The following COL6A1 variants were observed in gnomAD, a reference collection of about 807,000 sequenced individuals.
The protein encoded by COL6A1 is collagen alpha-1(VI) chain.
Under a neutral mutation model 145.6 loss-of-function variants are expected in COL6A1, and 80 were observed. The ratio of observed to expected loss-of-function variants is 0.55; its 90% CI spans 0.46 to 0.66. The LOEUF (loss-of-function observed/expected upper bound fraction) is 0.66. COL6A1 is among the 30% of genes least tolerant of loss of function. COL6A1 has a pLI of 0.00. For missense variants in COL6A1, 1,364 were observed against 1,473.8 expected (o/e 0.93, Z 1.22); for synonymous variants, 638 against 622.8 (o/e 1.02, Z -0.36).
At chr21:46,003,077 G>A (rs750866052) in intron 33 of COL6A1, 43 bp from the exon 34 acceptor site, 9 of 1,614,010 alleles carry the variant, frequency 5.6e-6, no homozygotes, top group Non-Finnish European at 7.6e-6. Context: ...GGGGTTATAG[G>A]TGGAGCAGTG....
At chr21:45,990,059 C>T (rs530166850) in intron 11 of COL6A1, among the ~76,000 whole-genome samples, 199 bp from the exon 12 acceptor site, 3 of 141,302 alleles carry the variant, frequency 2.1e-5, no homozygotes, top group Admixed American at 7.1e-5. Context: ...TTACCCTCTG[C>T]GGAGCCGGGG....
intron 31 of COL6A1, 54 bp downstream of exon 31, chr21:46,002,124 CCACGG>C (rs1354882994): frequency 6.3e-7 from 1 of 1,581,690 alleles, no homozygotes; most frequent in African/African-American, 1.3e-5. Flanking sequence ...ACCGCTGTTC[CCACGG>C]CAGGTCGGCC....
intron 29 of COL6A1, chr21:46,001,045 C>T: frequency 1.3e-6 from 1 of 756,252 alleles, no homozygotes; most frequent in Non-Finnish European, 2.1e-6. Context: ...CCTAGCCTGG[C>T]TGAGCAACGC....
intron 8 of COL6A1, 62 bp from the exon 9 acceptor site, chr21:45,989,022 C>T (rs181190679): frequency 3.0e-5 from 48 of 1,587,160 alleles, no homozygotes; most frequent in Middle Eastern, 1.7e-4. Flanking sequence ...AAACCTGTTT[C>T]GTGAGCCAGC....
At chr21:45,988,418 TCGGGGCTCCAGATGG>T (rs2077755079) in intron 8 of COL6A1, among the ~76,000 whole-genome samples, 1 of 20,622 alleles carries the variant, frequency 4.8e-5, no homozygotes, top group African/African-American at 1.7e-4. Flanking sequence ...GGAGGGGACG[TCGGGGCTCCAGATGG>T]AGGGGACGGC....
At chr21:46,002,781 A>G in intron 33 of COL6A1, 71 bp downstream of exon 33, 1 of 1,475,032 alleles carries the variant, frequency 6.8e-7, no homozygotes, top group South Asian at 1.2e-5. Context: ...GCAGTCCCAG[A>G]TCTGCGTAGG....
chr21:46,004,552 C>T lies in COL6A1; in HGVS notation c.*539C>T. The T allele has an allele frequency of 3.1e-6, 1 of 319,252 alleles. No individual in the cohort carries two copies. The highest frequency in any genetic ancestry group is 6.5e-6 in the Non-Finnish European group (1 of 153,428). The allele number at this position is 319,252 out of a possible 1,614,324, so 19.8% of individuals were successfully genotyped here. A position where few individuals can be genotyped will look rare whatever the true frequency, so the allele number is the denominator to read the frequency against. Reference sequence around the variant, plus strand: ...ACCTAACAGTTACTTTACAATTAAACTCAAAGCAAGCTCTTCTCCTCAGCT... The same window carrying T: ...ACCTAACAGTTACTTTACAATTAAATTCAAAGCAAGCTCTTCTCCTCAGCT... On this transcript the variant is annotated 3_prime_UTR_variant, in exon 35 of 35. Coordinates refer to ENST00000361866, the MANE Select transcript of COL6A1 (RefSeq NM_001848.3).
In COL6A1 at chr21:45,990,429, G is replaced by T. The variant is rs773603262; in HGVS notation, c.1002+7G>T. 2 of 1,098,874 alleles carry T rather than the reference G, an allele frequency of 1.8e-6. No individual in the cohort carries two copies. The highest frequency in any genetic ancestry group is 1.9e-5 in the South Asian group (1 of 53,772). 68.1% of individuals were successfully genotyped at this position (1,098,874 alleles called of 1,614,324 possible). On this transcript the variant is annotated splice_region_variant and intron_variant, in intron 13 of 34. Transcript: ENST00000361866. Reference sequence around the variant, plus strand: ...CGGGGTGGACGGCGTGAAGGTGACTGGGGGGAGATAGGATGGACGGGGAGG... The same window carrying T: ...CGGGGTGGACGGCGTGAAGGTGACTTGGGGGAGATAGGATGGACGGGGAGG...
At chr21:45,990,531 C>CGG in intron 13 of COL6A1, 109 bp downstream of exon 13, 1 of 1,234,904 alleles carries the variant, frequency 8.1e-7, no homozygotes. Context: ...ATGGGGTGGA[C>CGG]AGTGTGAAGG....
chr21:45,989,589 A>C lies in COL6A1; in HGVS notation c.859-19A>C, dbSNP rs2277814. 1 of 1,611,460 alleles carries C rather than the reference A, an allele frequency of 6.2e-7. No individual in the cohort carries two copies. Among genetic ancestry groups the C allele is most frequent in the Non-Finnish European group, 8.5e-7 (1 of 1,179,222 alleles). On this transcript the variant is annotated intron_variant, in intron 9 of 34. Coordinates refer to ENST00000361866, the MANE Select transcript of COL6A1 (RefSeq NM_001848.3). ...CCTGCTCCTCCGGGGGTGTCTCACC[A>C]TCTCCTCCTGTGTTCCAGGGAAGAC...
chr21:45,998,133 C>T lies in COL6A1; in HGVS notation c.1537C>T (p.Pro513Ser), dbSNP rs1202320827. 2.5e-6 allele frequency: 4 copies of T among 1,612,332 alleles called. No individual in the cohort carries two copies. Among genetic ancestry groups the T allele is most frequent in the Non-Finnish European group, 2.5e-6 (3 of 1,179,738 alleles). The part of the protein sequence containing the change: ...GLMGERGEDG[P>S]AGNGTEGFPG... ...TCTGCTCCCCCAGGGAGAAGACGGCCCCGCTGGAAATGGCACCGAGGGCTT... is the reference window on the plus strand; with the variant it reads ...TCTGCTCCCCCAGGGAGAAGACGGCTCCGCTGGAAATGGCACCGAGGGCTT... The change falls in exon 23 of 35, where the codon CCC becomes TCC. Residue 513 changes from proline to serine, a missense_variant. Pro to Ser is a moderately conservative substitution (Grantham distance 74). Coordinates refer to ENST00000361866, the MANE Select transcript of COL6A1 (RefSeq NM_001848.3).
rs774908764 is a variant in COL6A1 at position 45,982,647 on chromosome 21, C to T, written c.111C>T (p.Asp37=). 2.5e-6 allele frequency: 4 copies of T among 1,612,734 alleles called. No homozygotes were observed. Among genetic ancestry groups the T allele is most frequent in the Non-Finnish European group, 3.4e-6 (4 of 1,179,962 alleles). ...RAVAFQDCPV[D]LFFVLDTSES... ...ATCTTCGGCCAGACTGCCCCGTGGA[C>T]CTGTTCTTTGTGCTGGACACCTCTG... Residue 37 remains aspartate (D), a synonymous_variant, in exon 2 of 35, where the codon GAC becomes GAT. Coordinates refer to ENST00000361866, the MANE Select transcript of COL6A1 (RefSeq NM_001848.3).
At chr21:45,995,494 T>C (rs1228578537) in intron 20 of COL6A1, among the ~76,000 whole-genome samples, 1 of 152,150 alleles carries the variant, frequency 6.6e-6, no homozygotes, top group African/African-American at 2.4e-5. Flanking sequence ...AAAGTCTCAG[T>C]GGGAATGAGC....
intron 19 of COL6A1, 25 bp downstream of exon 19, chr21:45,992,835 G>T (rs770707112): frequency 1.6e-5 from 26 of 1,578,616 alleles, no homozygotes; most frequent in Non-Finnish European, 2.2e-5. Context: ...CTGGAGCTGG[G>T]AACCACCCCA....
intron 10 of COL6A1, 26 bp downstream of exon 10, chr21:45,989,678 G>C (rs191693749): frequency 2.5e-6 from 4 of 1,613,124 alleles, no homozygotes; most frequent in Non-Finnish European, 3.4e-6. Flanking sequence ...TTCCTGGCCC[G>C]AGCCCGGTGG....
Position 46,002,202 on chromosome 21 carries a change from G to A in COL6A1, c.2067-16G>A. The A allele has an allele frequency of 1.3e-6, 2 of 1,592,946 alleles. No individual in the cohort carries two copies. Among genetic ancestry groups the A allele is most frequent in the Non-Finnish European group, 1.7e-6 (2 of 1,173,620 alleles). ...GGCCTGGCCCCAACCGGCCCTTCCT[G>A]CCCTTTGCTATGCAGAGCCATCAAG... On this transcript the variant is annotated splice_polypyrimidine_tract_variant and intron_variant, in intron 31 of 34. Transcript: ENST00000361866.
In COL6A1 at chr21:46,000,478, A is replaced by G. The variant is rs2077837166; in HGVS notation, c.1813+111A>G. Reference sequence around the variant, plus strand: ...GTTGGGGGCCTGGGTCTCTGGGTACATCCTTGAGGAGGCTCCTCAGCCAGC... The same window carrying G: ...GTTGGGGGCCTGGGTCTCTGGGTACGTCCTTGAGGAGGCTCCTCAGCCAGC... On this transcript the variant is annotated intron_variant, in intron 28 of 34. Coordinates refer to ENST00000361866, the MANE Select transcript of COL6A1 (RefSeq NM_001848.3). The G allele has an allele frequency of 7.0e-5, 94 of 1,346,098 alleles. 1 individual carries two copies. The South Asian group carries it at 1.1e-3, about 16-fold the overall frequency. 83.4% of individuals were successfully genotyped at this position (1,346,098 alleles called of 1,614,324 possible). A position where few individuals can be genotyped will look rare whatever the true frequency, so the allele number is the denominator to read the frequency against.
chr21:45,989,677 C>T lies in COL6A1; in HGVS notation c.903+25C>T, dbSNP rs1285118919. 5.0e-6 allele frequency: 8 copies of T among 1,613,032 alleles called. No individual in the cohort carries two copies. In the Admixed American group the frequency reaches 6.7e-5, roughly 13 times the overall value. On this transcript the variant is annotated intron_variant, in intron 10 of 34. Transcript: ENST00000361866. ...GGTACGTGCCCCCCCTTTCCTGGCC[C>T]GAGCCCGGTGGTGCCCTCAGCCTTG...
At position 46,002,724 on chromosome 21, in the gene COL6A1, CA is replaced by C; in HGVS notation, c.2434+15del. 6.4e-7 allele frequency: 1 copy of C among 1,561,062 alleles called. No individual in the cohort carries two copies. On this transcript the variant is annotated intron_variant, in intron 33 of 34. Coordinates refer to ENST00000361866, the MANE Select transcript of COL6A1 (RefSeq NM_001848.3). Reference sequence around the variant, plus strand: ...AGATCTGCATAGGTGCGCATGGGGCCACCCGGGCAGTCCCAGATCTGCGTAG... The same window carrying C: ...AGATCTGCATAGGTGCGCATGGGGCCCCCGGGCAGTCCCAGATCTGCGTAG...
Sources: allele counts gnomAD v4.1 joint callset (sites outside exome capture counted in the v4.1 genomes callset), GRCh38; gene constraint gnomAD v4.1.1; transcripts MANE v1.5; gene names NCBI Gene and HGNC (gene_info 2026-07-23, HGNC 2026-07-21).